The following PAX4 variants were observed in gnomAD, a reference collection of about 807,000 sequenced individuals.
The protein encoded by PAX4 is paired box protein Pax-4.
A neutral mutation model predicts 40.6 loss-of-function variants in PAX4; 33 were observed. That is an observed-to-expected ratio of 0.81 (90% CI 0.62 to 1.09). PAX4 has a LOEUF of 1.09. Ranked by LOEUF, PAX4 falls within the 50% of genes least tolerant of loss-of-function variation. PAX4 has a pLI of 0.00. For synonymous variants in PAX4, 174 were observed against 170.6 expected, an observed-to-expected ratio of 1.02 and a Z score of -0.16; for missense variants, 459 against 442.5, an observed-to-expected ratio of 1.04 and a Z score of -0.33.
intron 8 of PAX4, 133 bp downstream of exon 8, chr7:127,613,317 T>C (rs187345521): frequency 2.2e-6 from 2 of 917,904 alleles, no homozygotes; most frequent in Admixed American, 3.5e-5. Context: ...GAGGATCTCA[T>C]CTCTGATTGT....
chr7:127,615,680 C>T (rs1378469250), intron 3 of PAX4, 149 bp from the exon 4 acceptor site: 2 of 1,541,030 alleles, frequency 1.3e-6, no homozygotes, highest in Admixed American at 3.9e-5. Flanking sequence ...CCCAGGCTGT[C>T]AACGCAAGCT....
intron 11 of PAX4, 72 bp downstream of exon 11, chr7:127,611,463 T>C: frequency 3.1e-6 from 5 of 1,608,794 alleles, no homozygotes; most frequent in Non-Finnish European, 4.2e-6. Context: ...TGGAGATCCA[T>C]GCCCTCCTGG....
At chr7:127,611,506 C>T in intron 11 of PAX4, 29 bp downstream of exon 11, 1 of 1,613,374 alleles carries the variant, frequency 6.2e-7, no homozygotes, top group Non-Finnish European at 8.5e-7. Flanking sequence ...CTACATCCTG[C>T]AGGACTGAGG....
At chr7:127,614,006 G>A in intron 6 of PAX4, 125 bp from the exon 7 acceptor site, 2 of 1,131,494 alleles carry the variant, frequency 1.8e-6, no homozygotes, top group Admixed American at 4.0e-5. Context: ...CCAAGCTGGT[G>A]GGGCATTCAT....
chr7:127,614,156 G>T (rs1376282278), intron 6 of PAX4, among the ~76,000 whole-genome samples: 1 of 152,074 alleles, frequency 6.6e-6, no homozygotes, highest in Non-Finnish European at 1.5e-5. Context: ...GAACATGAAT[G>T]ATGCTCTAAG....
intron 5 of PAX4, 53 bp downstream of exon 5, chr7:127,614,827 T>C: frequency 6.3e-7 from 1 of 1,583,780 alleles, no homozygotes; most frequent in East Asian, 2.3e-5. Flanking sequence ...GTTCTTTGTC[T>C]CCCCCAGAAA....
chr7:127,613,009 G>A lies in PAX4; in HGVS notation c.715+13C>T, dbSNP rs1562960059. Reference sequence around the variant, plus strand: ...ACTGAGCGGGCAGATGGATGATGGTGCAGAGAAATCACCTGGCAGCTGCAT... The same window carrying A: ...ACTGAGCGGGCAGATGGATGATGGTACAGAGAAATCACCTGGCAGCTGCAT... On this transcript the variant is annotated intron_variant, in intron 9 of 11. Coordinates refer to ENST00000639438, the MANE Select transcript of PAX4 (RefSeq NM_001366110.1). The A allele has an allele frequency of 6.2e-7, 1 of 1,604,918 alleles. No individual in the cohort carries two copies. The highest frequency in any genetic ancestry group is 1.3e-5 in the African/African-American group (1 of 74,712).
At chr7:127,612,934 A>AGGATGGATGGAT (rs376039555) in intron 9 of PAX4, 88 bp downstream of exon 9, 205 of 920,310 alleles carry the variant, frequency 2.2e-4, no homozygotes, top group Middle Eastern at 6.6e-4. Context: ...GGACGAATGG[A>AGGATGGATGGAT]GGATGGATGG....
Position 127,615,017 on chromosome 7 carries a change from T to G in PAX4, c.223A>C (p.Ser75Arg). 1.2e-6 allele frequency: 2 copies of G among 1,614,222 alleles called. No individual in the cohort carries two copies. Among genetic ancestry groups the G allele is most frequent in the Middle Eastern group, 3.3e-4 (2 of 6,062 alleles). ...GGGGGTGTAGCCAGCCGTGGCTTGC[T>G]TCCCCCAATGCCCTTTGGCTCCAAG... ...GVLEPKGIGG[S>R]KPRLATPPVV... Residue 75 changes from serine (S) to arginine (R), a missense_variant, in exon 5 of 12, where the codon AGC becomes CGC. Transcript: ENST00000639438.
chr7:127,611,846 G>T, intron 10 of PAX4, 99 bp downstream of exon 10: 1 of 1,596,558 alleles, frequency 6.3e-7, no homozygotes, highest in African/African-American at 1.3e-5. Flanking sequence ...ACACTGTGGG[G>T]CCCTGGAGAG....
rs1794596679 is a variant in PAX4 at position 127,610,356 on chromosome 7, A to AATAC, written c.*704_*707dup. The AATAC allele has an allele frequency of 6.4e-6, 1 of 155,798 alleles. No homozygotes were observed. Among genetic ancestry groups the AATAC allele is most frequent in the Admixed American group, 6.2e-5 (1 of 16,072 alleles). 9.7% of individuals were successfully genotyped at this position (155,798 alleles called of 1,614,324 possible). On this transcript the variant is annotated 3_prime_UTR_variant, in exon 12 of 12. Transcript: ENST00000639438. ...GACAAAAATACATATGCAAATACAAAATACATATGCAAATACAAAATACAT... is the reference window on the plus strand; with the variant it reads ...GACAAAAATACATATGCAAATACAAAATACATACATATGCAAATACAAAATACAT...
chr7:127,614,663 A>G lies in PAX4; in HGVS notation c.361-106T>C. 2.6e-6 allele frequency: 3 copies of G among 1,158,256 alleles called. No individual in the cohort carries two copies. The Admixed American group carries it at 5.9e-5, about 23-fold the overall frequency. 71.7% of individuals were successfully genotyped at this position (1,158,256 alleles called of 1,614,324 possible). On this transcript the variant is annotated intron_variant, in intron 5 of 11. Coordinates refer to ENST00000639438, the MANE Select transcript of PAX4 (RefSeq NM_001366110.1). Reference sequence around the variant, plus strand: ...TTTTCCCATCTGTCTCCACCTACACATTGTTCCCAAGGGCAGCCTCCTCTC... The same window carrying G: ...TTTTCCCATCTGTCTCCACCTACACGTTGTTCCCAAGGGCAGCCTCCTCTC...
rs1562960432 is a variant in PAX4 at position 127,613,899 on chromosome 7, A to T, written c.437-18T>A. On this transcript the variant is annotated intron_variant, in intron 6 of 11. Coordinates refer to ENST00000639438, the MANE Select transcript of PAX4 (RefSeq NM_001366110.1). ...CAAAACAGCTGAAAAGGAAGATAAC[A>T]GTTTGTGGTGGTTTGTGATGGTGAT... The T allele has an allele frequency of 6.2e-7, 1 of 1,613,614 alleles. No homozygotes were observed. Among genetic ancestry groups the T allele is most frequent in the Non-Finnish European group, 8.5e-7 (1 of 1,179,910 alleles).
intron 11 of PAX4, 138 bp downstream of exon 11, chr7:127,611,397 G>A: frequency 1.3e-6 from 2 of 1,547,288 alleles, no homozygotes; most frequent in Non-Finnish European, 1.8e-6. Flanking sequence ...CCGTAATTTT[G>A]TGGACCATGC....
Position 127,613,038 on chromosome 7 carries a change from C to A in PAX4, c.699G>T (p.Trp233Cys). ...AGAAATCACCTGGCAGCTGCATTTC[C>A]CACTTGAGCTTCTCTTGCCGACGCC... The part of the protein sequence containing the change: ...AKWRRQEKLK[W>C]EMQLPGASQG... Residue 233 changes from tryptophan (W) to cysteine (C), a missense_variant, in exon 9 of 12, where the codon TGG (tryptophan) becomes TGT (cysteine). Transcript: ENST00000639438. The A allele has an allele frequency of 6.2e-7, 1 of 1,613,024 alleles. No individual in the cohort carries two copies. The highest frequency in any genetic ancestry group is 8.5e-7 in the Non-Finnish European group (1 of 1,179,902).
At position 127,610,419 on chromosome 7, in the gene PAX4, T is replaced by C. The variant is rs764911791; in HGVS notation, c.*645A>G. 13 of 158,670 alleles carry C rather than the reference T, an allele frequency of 8.2e-5. No homozygotes were observed. Among genetic ancestry groups the C allele is most frequent in the Non-Finnish European group, 1.7e-4 (12 of 72,098 alleles). The allele number at this position is 158,670 out of a possible 1,614,324, so 9.8% of individuals were successfully genotyped here. A position where few individuals can be genotyped will look rare whatever the true frequency, so the allele number is the denominator to read the frequency against. On this transcript the variant is annotated 3_prime_UTR_variant, in exon 12 of 12. Transcript: ENST00000639438. ...ATATGACAAAAATACATAATTTTCT[T>C]AGATTAAGAAGTTACAGTAAATTTT...
At chr7:127,613,974 C>T in intron 6 of PAX4, 93 bp from the exon 7 acceptor site, 1 of 1,471,480 alleles carries the variant, frequency 6.8e-7, no homozygotes, top group Non-Finnish European at 9.3e-7. Context: ...AGCCGGGAGA[C>T]ACCATGGGTA....
At position 127,614,904 on chromosome 7, in the gene PAX4, A is replaced by G; in HGVS notation, c.336T>C (p.Leu112=). ...CACTGGGAGTCTTGTCCTGGGTGCA[A>G]AGCCCTTCAGCACAAAGCTGGCGTT... The part of the protein sequence containing the change: ...EIQRQLCAEG[L]CTQDKTPSVS... Residue 112 remains leucine, a synonymous_variant, in exon 5 of 12, where the codon CTT becomes CTC. Transcript: ENST00000639438. 2 of 1,614,054 alleles carry G rather than the reference A, an allele frequency of 1.2e-6. 1 individual carries two copies. Among genetic ancestry groups the G allele is most frequent in the South Asian group, 2.2e-5 (2 of 91,074 alleles).
rs927197477 is a variant in PAX4 at position 127,610,579 on chromosome 7, G to T, written c.*485C>A. ...TGTGTGTGTGTGTGTGTGCGCGCACGCATGCACGCATACATAATACACATA... is the reference window on the plus strand; with the variant it reads ...TGTGTGTGTGTGTGTGTGCGCGCACTCATGCACGCATACATAATACACATA... On this transcript the variant is annotated 3_prime_UTR_variant, in exon 12 of 12. Coordinates refer to ENST00000639438, the MANE Select transcript of PAX4 (RefSeq NM_001366110.1). 6 of 311,744 alleles carry T rather than the reference G, an allele frequency of 1.9e-5. No homozygotes were observed. Among genetic ancestry groups the T allele is most frequent in the Admixed American group, 5.9e-5 (1 of 16,954 alleles). 19.3% of individuals were successfully genotyped at this position (311,744 alleles called of 1,614,324 possible).
Sources: allele counts gnomAD v4.1 joint callset (sites outside exome capture counted in the v4.1 genomes callset), GRCh38; gene constraint gnomAD v4.1.1; transcripts MANE v1.5; gene names NCBI Gene and HGNC (gene_info 2026-07-23, HGNC 2026-07-21).